The following KCNQ3 variants were observed in gnomAD, a reference collection of about 807,000 sequenced individuals.
KCNQ3 encodes potassium voltage-gated channel subfamily KQT member 3.
In KCNQ3, 30 loss-of-function variants were observed where a neutral mutation model predicts 92.5. That is an observed-to-expected ratio of 0.32 (90% confidence interval 0.24 to 0.44). The LOEUF is 0.44. Among genes scored for constraint, KCNQ3 ranks in the 20% least tolerant of loss-of-function variants. The pLI, the probability that KCNQ3 is intolerant of heterozygous loss-of-function variation, is 1.00. For missense variants in KCNQ3, 913 were observed against 1,140.3 expected (o/e 0.80, Z 2.87); for synonymous variants, 450 against 468.8 (o/e 0.96, Z 0.52).
intron 9 of KCNQ3, among the ~76,000 whole-genome samples, chr8:132,148,452 C>T (rs573625301): frequency 6.6e-6 from 1 of 152,246 alleles, no homozygotes; most frequent in South Asian, 2.1e-4. Context: ...CCAAGGCTGG[C>T]AATTTCTTTA....
chr8:132,129,952 G>T lies in KCNQ3; in HGVS notation c.1929C>A (p.His643Gln). ...CCTGCAACCGTTCCATGTGTTGCAT[G>T]TGCATATCCACGAGGAAGTCCAGCT... ...GKKLDFLVDM[H>Q]MQHMERLQVQ... The change falls in exon 15 of 15, where the codon CAC (histidine) becomes CAA (glutamine). Residue 643 changes from histidine (H) to glutamine (Q), a missense_variant. Physicochemically the swap from His to Gln is conservative, Grantham distance 24. Around this residue, in one of 6 missense-constraint regions of KCNQ3, gnomAD observed 375 missense variants for 376.4 expected, o/e 1.00. Transcript: ENST00000388996. The surrounding 1 kb of genome is among the most constrained non-coding windows in gnomAD (Gnocchi z 5.9). 6.2e-7 allele frequency: 1 copy of T among 1,614,082 alleles called. No homozygotes were observed. The highest frequency in any genetic ancestry group is 8.5e-7 in the Non-Finnish European group (1 of 1,180,016).
At chr8:132,447,077 G>T in intron 1 of KCNQ3, 1 of 815,562 alleles carries the variant, frequency 1.2e-6, no homozygotes, top group Non-Finnish European at 2.0e-6. Flanking sequence ...CCCAGGGTGA[G>T]TCACATCAGA....
At chr8:132,296,563 C>T (rs1373709684) in intron 1 of KCNQ3, among the ~76,000 whole-genome samples, 5 of 151,962 alleles carry the variant, frequency 3.3e-5, no homozygotes, top group Non-Finnish European at 7.4e-5. Context: ...CAACAGTCCC[C>T]AGAGTGTGAT....
At chr8:132,146,822 T>A (rs925826377) in intron 9 of KCNQ3, among the ~76,000 whole-genome samples, 2 of 152,162 alleles carry the variant, frequency 1.3e-5, no homozygotes, top group Non-Finnish European at 2.9e-5. Flanking sequence ...CAAGCCTGGC[T>A]AATTTTTGTA....
chr8:132,335,094 G>A (rs976722101), intron 1 of KCNQ3, among the ~76,000 whole-genome samples: 6 of 151,496 alleles, frequency 4.0e-5, no homozygotes, highest in Non-Finnish European at 7.4e-5. Context: ...AGGCTGGAGT[G>A]CAGTGGTGTG....
chr8:132,339,990 T>G (rs1393134893), intron 1 of KCNQ3, among the ~76,000 whole-genome samples: 1 of 150,120 alleles, frequency 6.7e-6, no homozygotes, highest in African/African-American at 2.4e-5. Context: ...AAAAGTTAGA[T>G]AAGGAGTTTC....
At chr8:132,342,021 T>A (rs1367796269) in intron 1 of KCNQ3, among the ~76,000 whole-genome samples, 1 of 152,204 alleles carries the variant, frequency 6.6e-6, no homozygotes, top group South Asian at 2.1e-4. Flanking sequence ...TCTCCATGTG[T>A]CCTTGGCAGT....
At chr8:132,353,798 A>C (rs1818941530) in intron 1 of KCNQ3, among the ~76,000 whole-genome samples, 1 of 152,218 alleles carries the variant, frequency 6.6e-6, no homozygotes, top group African/African-American at 2.4e-5. Context: ...TAGGTGACAG[A>C]GTGAGATTCT....
intron 1 of KCNQ3, among the ~76,000 whole-genome samples, chr8:132,197,884 T>G (rs1037377034): frequency 6.6e-6 from 1 of 152,194 alleles, no homozygotes; most frequent in African/African-American, 2.4e-5. Flanking sequence ...CATGTTTCCC[T>G]CATAAACGGG....
At chr8:132,424,084 G>T (rs981793474) in intron 1 of KCNQ3, among the ~76,000 whole-genome samples, 1 of 152,094 alleles carries the variant, frequency 6.6e-6, no homozygotes, top group Non-Finnish European at 1.5e-5. Context: ...CATCGCTGTG[G>T]CTGACTGGAA....
chr8:132,455,194 C>T (rs555333175), intron 1 of KCNQ3, among the ~76,000 whole-genome samples: 1 of 152,246 alleles, frequency 6.6e-6, no homozygotes, highest in East Asian at 1.9e-4. Flanking sequence ...GCAACCTCCA[C>T]CCCTCGGGTT....
At chr8:132,249,711 G>A (rs950999180) in intron 1 of KCNQ3, among the ~76,000 whole-genome samples, 4 of 152,154 alleles carry the variant, frequency 2.6e-5, no homozygotes, top group African/African-American at 4.8e-5. Context: ...AGCAGGGGGC[G>A]GTGCTCGTTG....
At chr8:132,187,258 T>C (rs952585812) in intron 1 of KCNQ3, 63 of 455,906 alleles carry the variant, frequency 1.4e-4, no homozygotes, top group Non-Finnish European at 2.1e-4. Flanking sequence ...ACGTTGCGCA[T>C]ACAGAGCTGG....
At chr8:132,425,487 A>G (rs570644064) in intron 1 of KCNQ3, among the ~76,000 whole-genome samples, 30 of 152,330 alleles carry the variant, frequency 2.0e-4, no homozygotes, top group African/African-American at 7.0e-4. Context: ...GCACAGTGGC[A>G]CACACAGACA....
At chr8:132,468,626 A>G (rs1452093478) in intron 1 of KCNQ3, among the ~76,000 whole-genome samples, 1 of 152,192 alleles carries the variant, frequency 6.6e-6, no homozygotes, top group African/African-American at 2.4e-5. Flanking sequence ...TGATATTATA[A>G]ACTGTGAAAT....
intron 1 of KCNQ3, among the ~76,000 whole-genome samples, chr8:132,314,544 G>T (rs930095604): frequency 6.6e-6 from 1 of 152,102 alleles, no homozygotes; most frequent in African/African-American, 2.4e-5. Context: ...AAATAAAATG[G>T]CAGTTATTAA....
In KCNQ3 at chr8:132,443,107, G is replaced by A. The variant is rs953845681; in HGVS notation, c.386+37040C>T. Among the ~76,000 whole-genome samples the A allele has an allele frequency of 2.2e-4, 34 of 152,204 alleles. 1 individual carries two copies. The highest frequency in any genetic ancestry group is 6.3e-4 in the African/African-American group (26 of 41,450). On this transcript the variant is annotated intron_variant, in intron 1 of 14. Transcript: ENST00000388996. ...ATTAGAATTACAAATTGGAGCTATTGCTAAGGCCCCGCTTGAGCATAACCT... is the reference window on the plus strand; with the variant it reads ...ATTAGAATTACAAATTGGAGCTATTACTAAGGCCCCGCTTGAGCATAACCT...
Position 132,460,869 on chromosome 8 carries a change from G to A in KCNQ3, c.386+19278C>T, listed in dbSNP as rs1587043300. On this transcript the variant is annotated intron_variant, in intron 1 of 14. Transcript: ENST00000388996. ...ATTTCACCACCCTAAAATATCACCT[G>A]CGCTTCATCTATTCCACCCTCCTTC... Among the ~76,000 whole-genome samples, 3 of 152,216 alleles carry A rather than the reference G, an allele frequency of 2.0e-5. No homozygotes were observed. The South Asian group carries it at 6.2e-4, about 32-fold the overall frequency.
In KCNQ3 at chr8:132,364,686, C is replaced by CGGAT. The variant is rs780404477; in HGVS notation, c.386+115460_386+115461insATCC. On this transcript the variant is annotated intron_variant, in intron 1 of 14. Coordinates refer to ENST00000388996, the MANE Select transcript of KCNQ3 (RefSeq NM_004519.4). ...GTAAATGGATGGACGGACGGACGGA[C>CGGAT]GGACGGACGGATGGATGGATGGATG... Among the ~76,000 whole-genome samples, 366 of 114,654 alleles carry CGGAT rather than the reference C, an allele frequency of 3.2e-3. 2 individuals carry two copies. The highest frequency in any genetic ancestry group is 0.012 in the African/African-American group (327 of 27,182). 75.2% of individuals were successfully genotyped at this position (114,654 alleles called of 152,430 possible).
Sources: gnomAD v4.1 joint callset for allele counts (sites outside exome capture counted in the v4.1 genomes callset) on GRCh38, gnomAD v4.1.1 for gene constraint, gnomAD v4.1.1 regional missense constraint, Gnocchi (gnomAD v3.1) non-coding constraint, MANE v1.5 for transcripts, NCBI Gene and HGNC (gene_info 2026-07-23, HGNC 2026-07-21) for gene names.